Variants in ATR observed in about 807,000 individuals in gnomAD.
The protein encoded by ATR is ATR checkpoint kinase, also known as serine/threonine-protein kinase ATR.
ATR carries 142 observed loss-of-function variants against 305.3 expected under a neutral mutation model. The ratio of observed to expected loss-of-function variants is 0.47; its 90% confidence interval spans 0.41 to 0.53. The LOEUF is 0.53. Ranked by LOEUF, ATR falls within the 20% of genes least tolerant of loss-of-function variation. The pLI is 0.00. For synonymous variants in ATR, 1,050 were observed against 1,068.1 expected (o/e 0.98, Z 0.33); for missense variants, 2,135 against 3,133.1 (o/e 0.68, Z 7.60).
chr3:142,459,196 A>C (rs2108261102), intron 43 of ATR, 31 bp downstream of exon 43: 1 of 1,613,628 alleles, frequency 6.2e-7, no homozygotes, highest in Non-Finnish European at 8.5e-7. Context: ...ACATTCAACC[A>C]TAACAACGTA....
rs769040720 is a variant in ATR at position 142,556,593 on chromosome 3, A to AT, written c.1886-19dup. On this transcript the variant is annotated intron_variant, in intron 8 of 46. Coordinates refer to ENST00000350721, the MANE Select transcript of ATR (RefSeq NM_001184.4). ...CTGTGGTGCTGAAAAAATTAAGTCTATTAAACAAGATTTCTACTAATGTTA... is the reference window on the plus strand; with the variant it reads ...CTGTGGTGCTGAAAAAATTAAGTCTATTTAAACAAGATTTCTACTAATGTTA... 5 of 1,608,884 alleles carry AT rather than the reference A, an allele frequency of 3.1e-6. No homozygotes were observed. The African/African-American group carries it at 6.7e-5, about 21-fold the overall frequency.
At chr3:142,534,104 C>T (rs1343393813) in intron 21 of ATR, among the ~76,000 whole-genome samples, 2 of 151,998 alleles carry the variant, frequency 1.3e-5, no homozygotes, top group Non-Finnish European at 2.9e-5. Flanking sequence ...ATTCATAAAT[C>T]TCTGTATTAA....
At chr3:142,515,536 T>C (rs1291375941) in intron 24 of ATR, 21 bp from the exon 25 acceptor site, 1 of 1,597,994 alleles carries the variant, frequency 6.3e-7, no homozygotes. Flanking sequence ...GAAAATTTGT[T>C]TATTAAAAAG....
At chr3:142,487,424 AC>A (rs2031011816) in intron 35 of ATR, among the ~76,000 whole-genome samples, 1 of 152,210 alleles carries the variant, frequency 6.6e-6, no homozygotes, top group Admixed American at 6.5e-5. Context: ...GGCATGAGCC[AC>A]CATGCCCAGC....
chr3:142,530,917 T>C (rs995712710), intron 21 of ATR, among the ~76,000 whole-genome samples: 7 of 152,194 alleles, frequency 4.6e-5, no homozygotes, highest in Non-Finnish European at 8.8e-5. Flanking sequence ...TATGACTCTC[T>C]TTCTGTTGGT....
chr3:142,542,946 G>A (rs1349372188), intron 16 of ATR, among the ~76,000 whole-genome samples, 189 bp from the exon 17 acceptor site: 1 of 152,124 alleles, frequency 6.6e-6, no homozygotes, highest in African/African-American at 2.4e-5. Flanking sequence ...GAAACATGTA[G>A]TATTTAAAGG....
chr3:142,498,904 A>T, intron 31 of ATR, 130 bp from the exon 32 acceptor site: 2 of 869,922 alleles, frequency 2.3e-6, no homozygotes, highest in Non-Finnish European at 3.7e-6. Flanking sequence ...TTTTTGAGAC[A>T]GAGTCTCACT....
chr3:142,475,423 G>T (rs1239919522), intron 36 of ATR, among the ~76,000 whole-genome samples: 2 of 152,306 alleles, frequency 1.3e-5, no homozygotes, highest in Non-Finnish European at 2.9e-5. Context: ...CAAAGGACAT[G>T]AACTCATCCT....
Position 142,481,172 on chromosome 3 carries a change from C to T in ATR, c.6221+3968G>A, listed in dbSNP as rs189871229. ...AAATGCAGAAATCACCCATCTTCTG[C>T]GCTGCTCATGCTGGGAGCTGTAGAC... On this transcript the variant is annotated intron_variant, in intron 36 of 46. Transcript: ENST00000350721. 1.2e-3 allele frequency among the ~76,000 whole-genome samples: 189 copies of T among 152,336 alleles called. 1 individual carries two copies. The highest frequency in any genetic ancestry group is 4.2e-3 in the African/African-American group (173 of 41,586).
chr3:142,464,932 C>G (rs1226470211), intron 41 of ATR, among the ~76,000 whole-genome samples, 165 bp downstream of exon 41: 6 of 152,152 alleles, frequency 3.9e-5, no homozygotes, highest in Non-Finnish European at 7.4e-5. Context: ...CTTTATATTT[C>G]ATTCCTGCTT....
At chr3:142,561,580 TAA>T (rs1486088342) in intron 4 of ATR, among the ~76,000 whole-genome samples, 159 bp from the exon 5 acceptor site, 1 of 152,184 alleles carries the variant, frequency 6.6e-6, no homozygotes, top group Non-Finnish European at 1.5e-5. Flanking sequence ...CTATATTATT[TAA>T]GTCTATATAT....
chr3:142,472,680 TG>T (rs747965984), intron 36 of ATR, among the ~76,000 whole-genome samples: 1 of 152,100 alleles, frequency 6.6e-6, no homozygotes, highest in Non-Finnish European at 1.5e-5. Flanking sequence ...CTCTGTTGCC[TG>T]GGCTGGAGTG....
chr3:142,480,258 C>T (rs901258667), intron 36 of ATR, among the ~76,000 whole-genome samples: 3 of 152,206 alleles, frequency 2.0e-5, no homozygotes, highest in South Asian at 2.1e-4. Flanking sequence ...CGTACAGATG[C>T]GGTTTTGGTG....
At chr3:142,527,911 A>G (rs2033465190) in intron 21 of ATR, among the ~76,000 whole-genome samples, 1 of 152,134 alleles carries the variant, frequency 6.6e-6, no homozygotes, top group Non-Finnish European at 1.5e-5. Flanking sequence ...ACCCTAGGCA[A>G]CCATTAATCT....
intron 41 of ATR, 54 bp downstream of exon 41, chr3:142,465,043 A>C: frequency 5.8e-6 from 7 of 1,211,002 alleles, no homozygotes; most frequent in East Asian, 3.1e-5. Flanking sequence ...ATAGTCAAAA[A>C]TTTTTTTAAA....
chr3:142,480,501 G>C (rs1448145022), intron 36 of ATR, among the ~76,000 whole-genome samples: 7 of 152,204 alleles, frequency 4.6e-5, no homozygotes, highest in African/African-American at 1.7e-4. Context: ...GCCCCTACTG[G>C]GGGATGCCTC....
At chr3:142,518,350 C>A (rs893925333) in intron 24 of ATR, among the ~76,000 whole-genome samples, 1 of 152,138 alleles carries the variant, frequency 6.6e-6, no homozygotes, top group Non-Finnish European at 1.5e-5. Context: ...AACTTCATCT[C>A]TACTAAAAAT....
chr3:142,501,670 C>T (rs532174728), intron 30 of ATR, among the ~76,000 whole-genome samples: 5 of 152,256 alleles, frequency 3.3e-5, no homozygotes, highest in African/African-American at 7.2e-5. Context: ...AAAACATGCT[C>T]GTCGTCACAA....
At chr3:142,522,565 G>A (rs1304532859) in intron 23 of ATR, among the ~76,000 whole-genome samples, 163 bp downstream of exon 23, 1 of 152,072 alleles carries the variant, frequency 6.6e-6, no homozygotes, top group African/African-American at 2.4e-5. Flanking sequence ...ATAATAATTG[G>A]TTAAGAGGTA....
Sources: allele counts gnomAD v4.1 joint callset (sites outside exome capture counted in the v4.1 genomes callset), GRCh38; gene constraint gnomAD v4.1.1; transcripts MANE v1.5; gene names NCBI Gene and HGNC (gene_info 2026-07-23, HGNC 2026-07-21).